The following LRP1B variants were observed in gnomAD, a reference collection of about 807,000 sequenced individuals.
LRP1B encodes low-density lipoprotein receptor-related protein 1B.
A neutral mutation model predicts 556.6 loss-of-function variants in LRP1B; 217 were observed. The observed-to-expected ratio is 0.39, with a 90% CI of 0.35 to 0.44. The LOEUF (loss-of-function observed/expected upper bound fraction) is 0.44. LRP1B is among the 20% of genes least tolerant of loss of function. The pLI, the probability that LRP1B is intolerant of heterozygous loss-of-function variation, is 1.00. For synonymous variants in LRP1B, 2,047 were observed against 1,865.8 expected, an observed-to-expected ratio of 1.10 and a Z score of -2.50; for missense variants, 5,053 against 5,620.8, an observed-to-expected ratio of 0.90 and a Z score of 3.23.
At chr2:142,123,946 T>G (rs1397790818) in intron 1 of LRP1B, among the ~76,000 whole-genome samples, 4 of 151,956 alleles carry the variant, frequency 2.6e-5, no homozygotes. Flanking sequence ...TTACAACTAT[T>G]CTGCAATATT....
At chr2:141,560,307 A>T (rs1200566814) in intron 2 of LRP1B, among the ~76,000 whole-genome samples, 2 of 151,758 alleles carry the variant, frequency 1.3e-5, no homozygotes, top group African/African-American at 4.8e-5. Flanking sequence ...ACAAAAGTAT[A>T]CTGGGAAGAG....
chr2:141,200,147 C>A (rs1681942872), intron 6 of LRP1B, among the ~76,000 whole-genome samples: 1 of 152,128 alleles, frequency 6.6e-6, no homozygotes, highest in Non-Finnish European at 1.5e-5. Flanking sequence ...CCGAACTATT[C>A]ACAATAGCAA....
chr2:141,776,713 T>C (rs1574347990), intron 2 of LRP1B, among the ~76,000 whole-genome samples: 1 of 152,342 alleles, frequency 6.6e-6, no homozygotes, highest in Admixed American at 6.5e-5. Context: ...GCATCATCTC[T>C]TTAAACAGTA....
rs115089292 is a variant in LRP1B at position 141,436,911 on chromosome 2, G to A, written c.343+43485C>T. ...CATCTGTCTCTTCAGACAATGAAAA[G>A]CACCTTTTGGATGAGAATAATATAT... On this transcript the variant is annotated intron_variant, in intron 3 of 90. Coordinates refer to ENST00000389484, the MANE Select transcript of LRP1B (RefSeq NM_018557.3). Among the ~76,000 whole-genome samples the A allele has an allele frequency of 8.8e-3, 1,337 of 152,214 alleles. 18 individuals carry two copies. The highest frequency in any genetic ancestry group is 0.031 in the African/African-American group (1,269 of 41,546).
chr2:142,020,725 A>T (rs150059095), intron 1 of LRP1B, among the ~76,000 whole-genome samples: 58 of 151,962 alleles, frequency 3.8e-4, no homozygotes, highest in African/African-American at 8.2e-4. Flanking sequence ...ATAAATAAAT[A>T]AAAAAAAGCC....
chr2:141,803,555 A>C (rs923197021), intron 2 of LRP1B, among the ~76,000 whole-genome samples: 1 of 152,052 alleles, frequency 6.6e-6, no homozygotes, highest in Non-Finnish European at 1.5e-5. Context: ...CTTTCCCTTT[A>C]ATCTGTAAGA....
intron 43 of LRP1B, among the ~76,000 whole-genome samples, chr2:140,554,907 T>C (rs1574074601): frequency 6.6e-6 from 1 of 150,734 alleles, no homozygotes; most frequent in East Asian, 2.0e-4. Flanking sequence ...AACTACTAGC[T>C]AGGCTTTGTA....
At chr2:141,263,052 A>T (rs1573727079) in intron 3 of LRP1B, among the ~76,000 whole-genome samples, 1 of 151,820 alleles carries the variant, frequency 6.6e-6, no homozygotes, top group Non-Finnish European at 1.5e-5. Flanking sequence ...TTTATTTTTA[A>T]TTTTTTAAAT....
chr2:140,574,208 A>T (rs776855870), intron 43 of LRP1B, among the ~76,000 whole-genome samples: 1 of 152,116 alleles, frequency 6.6e-6, no homozygotes, highest in Non-Finnish European at 1.5e-5. Context: ...TATTGTCCAC[A>T]TCATTTATTT....
intron 25 of LRP1B, among the ~76,000 whole-genome samples, chr2:140,877,424 A>T (rs1365052130): frequency 6.6e-6 from 1 of 152,212 alleles, no homozygotes; most frequent in Non-Finnish European, 1.5e-5. Flanking sequence ...GAGATCAGAT[A>T]AAACCTGAAA....
chr2:141,660,742 C>T (rs1389632998), intron 2 of LRP1B, among the ~76,000 whole-genome samples: 2 of 150,692 alleles, frequency 1.3e-5, no homozygotes, highest in South Asian at 2.1e-4. Flanking sequence ...CTTAGTCTTT[C>T]CCCTGCTGGC....
chr2:140,596,487 C>T (rs990623918), intron 43 of LRP1B, among the ~76,000 whole-genome samples: 3 of 152,004 alleles, frequency 2.0e-5, no homozygotes, highest in Admixed American at 6.6e-5. Context: ...TGGTTTACTA[C>T]GTAAATCAGC....
chr2:140,500,740 T>C (rs1486546085), intron 55 of LRP1B, among the ~76,000 whole-genome samples: 1 of 151,922 alleles, frequency 6.6e-6, no homozygotes, highest in Non-Finnish European at 1.5e-5. Context: ...CTCTAATGCT[T>C]CTGGATATAG....
intron 2 of LRP1B, among the ~76,000 whole-genome samples, chr2:141,647,101 TAGA>T (rs759930565): frequency 1.3e-5 from 2 of 152,114 alleles, no homozygotes; most frequent in Non-Finnish European, 2.9e-5. Flanking sequence ...AGGTCCTGAG[TAGA>T]AGAAGAAGGG....
rs1689432033 is a variant in LRP1B, at chr2:140,774,712, T to G, written c.5500+1386A>C. Among the ~76,000 whole-genome samples, 3 of 152,132 alleles carry G rather than the reference T, an allele frequency of 2.0e-5. No homozygotes were observed. The South Asian group carries it at 6.2e-4, about 31-fold the overall frequency. ...GAAATCAGAAAATGTTTCAATGTTTTATTTACTGAGTACCAGTATTTTATT... is the reference window on the plus strand; with the variant it reads ...GAAATCAGAAAATGTTTCAATGTTTGATTTACTGAGTACCAGTATTTTATT... On this transcript the variant is annotated intron_variant, in intron 33 of 90. Coordinates refer to ENST00000389484, the MANE Select transcript of LRP1B (RefSeq NM_018557.3).
At chr2:140,703,001 A>G (rs1408026089) in intron 37 of LRP1B, among the ~76,000 whole-genome samples, 1 of 152,074 alleles carries the variant, frequency 6.6e-6, no homozygotes, top group Non-Finnish European at 1.5e-5. Context: ...CCCCCACTAG[A>G]CTGTAAGCTC....
At chr2:140,252,532 T>A (rs1681485877) in intron 86 of LRP1B, among the ~76,000 whole-genome samples, 1 of 152,086 alleles carries the variant, frequency 6.6e-6, no homozygotes, top group Non-Finnish European at 1.5e-5. Flanking sequence ...TATTATTTAA[T>A]CATTGTTTTA....
At chr2:141,620,168 G>A (rs1354061160) in intron 2 of LRP1B, among the ~76,000 whole-genome samples, 1 of 152,186 alleles carries the variant, frequency 6.6e-6, no homozygotes, top group Non-Finnish European at 1.5e-5. Flanking sequence ...ACTCAGGCTG[G>A]TTTTGAACTC....
rs142779738 is a variant in LRP1B at position 140,810,175 on chromosome 2, T to G, written c.5359+3482A>C. ...GTTCCAATTTATAATCCTTGAGGTT[T>G]AAAAACTTGTGCAAAGTGTTCAAAG... On this transcript the variant is annotated intron_variant, in intron 32 of 90. Coordinates refer to ENST00000389484, the MANE Select transcript of LRP1B (RefSeq NM_018557.3). Among the ~76,000 whole-genome samples the G allele has an allele frequency of 4.0e-5, 6 of 149,952 alleles. 1 individual carries two copies. Among genetic ancestry groups the G allele is most frequent in the African/African-American group, 1.5e-4 (6 of 41,222 alleles).
Sources: allele counts gnomAD v4.1 joint callset (sites outside exome capture counted in the v4.1 genomes callset), GRCh38; gene constraint gnomAD v4.1.1; transcripts MANE v1.5; gene names NCBI Gene and HGNC (gene_info 2026-07-23, HGNC 2026-07-21).